The following CYFIP2 variants were observed in gnomAD, a reference collection of about 807,000 sequenced individuals.
CYFIP2 encodes the protein cytoplasmic FMR1-interacting protein 2.
Under a neutral mutation model 158.7 loss-of-function variants are expected in CYFIP2, and 29 were observed. That is an observed-to-expected ratio of 0.18 (90% CI 0.14 to 0.25). The LOEUF (loss-of-function observed/expected upper bound fraction) is 0.25, where lower values mean the gene tolerates loss of function less well. CYFIP2 is among the 10% of genes least tolerant of loss of function. CYFIP2 has a pLI of 1.00. For missense variants in CYFIP2, 852 were observed against 1,639.5 expected, an observed-to-expected ratio of 0.52 and a Z score of 8.29; for synonymous variants, 585 against 617.6, an observed-to-expected ratio of 0.95 and a Z score of 0.78.
chr5:157,318,334 G>A (rs1274532339), intron 13 of CYFIP2, among the ~76,000 whole-genome samples: 1 of 152,162 alleles, frequency 6.6e-6, no homozygotes, highest in African/African-American at 2.4e-5. Context: ...CAACAGGCCT[G>A]CCCACTCCTC....
intron 6 of CYFIP2, 94 bp downstream of exon 6, chr5:157,300,990 C>T (rs1462141008): frequency 8.6e-7 from 1 of 1,161,508 alleles, no homozygotes; most frequent in African/African-American, 1.6e-5. Flanking sequence ...CCCCTCTCAC[C>T]TGCTTTTTCT....
At position 157,300,879 on chromosome 5, in the gene CYFIP2, C is replaced by T; in HGVS notation, c.552C>T (p.Asp184=). ...ACATGAAGTGCAGCGTCAAGAATGACCACTCTGCCTACAAGAGGTCAGGGC... is the reference window on the plus strand; with the variant it reads ...ACATGAAGTGCAGCGTCAAGAATGATCACTCTGCCTACAAGAGGTCAGGGC... ...LKNMKCSVKN[D]HSAYKRAAQF... Residue 184 remains aspartate, a synonymous_variant, in exon 6 of 31, where the codon GAC becomes GAT. Coordinates refer to ENST00000620254, the MANE Select transcript of CYFIP2 (RefSeq NM_001037333.3). 1 of 1,594,314 alleles carries T rather than the reference C, an allele frequency of 6.3e-7. No homozygotes were observed. Among genetic ancestry groups the T allele is most frequent in the Non-Finnish European group, 8.6e-7 (1 of 1,167,918 alleles).
At position 157,309,901 on chromosome 5, in the gene CYFIP2, G is replaced by T; in HGVS notation, c.992+67G>T. 9.9e-6 allele frequency: 14 copies of T among 1,417,176 alleles called. No homozygotes were observed. In the South Asian group the frequency reaches 1.5e-4, roughly 15 times the overall value. The allele number at this position is 1,417,176 out of a possible 1,614,324, so 87.8% of individuals were successfully genotyped here. A position where few individuals can be genotyped will look rare whatever the true frequency, so the allele number is the denominator to read the frequency against. On this transcript the variant is annotated intron_variant, in intron 10 of 30. Coordinates refer to ENST00000620254, the MANE Select transcript of CYFIP2 (RefSeq NM_001037333.3). ...CCCAGCCCGGGCAGAGAGCCGAGGG[G>T]CCACTTCAGCCCCTCCTCCCTCCCC...
In CYFIP2 at chr5:157,373,184, A is replaced by G. The variant is rs77430143; in HGVS notation, c.3040-9406A>G. ...CCATGCCTATTCCACCAACTTATCT[A>G]TTATTACCACTCTCTGCCTGGCTGC... On this transcript the variant is annotated intron_variant, in intron 26 of 30. Coordinates refer to ENST00000620254, the MANE Select transcript of CYFIP2 (RefSeq NM_001037333.3). Among the ~76,000 whole-genome samples, 126 of 152,268 alleles carry G rather than the reference A, an allele frequency of 8.3e-4. 1 individual carries two copies. The highest frequency in any genetic ancestry group is 2.8e-3 in the African/African-American group (117 of 41,556).
At chr5:157,368,218 C>T (rs1327314908) in intron 26 of CYFIP2, among the ~76,000 whole-genome samples, 1 of 152,172 alleles carries the variant, frequency 6.6e-6, no homozygotes, top group Non-Finnish European at 1.5e-5. Flanking sequence ...GGAGAAGTGT[C>T]TCTCACTTTT....
Position 157,393,143 on chromosome 5 carries a change from C to T in CYFIP2, c.*143C>T. 1 of 861,818 alleles carries T rather than the reference C, an allele frequency of 1.2e-6. No homozygotes were observed. Among genetic ancestry groups the T allele is most frequent in the Non-Finnish European group, 1.7e-6 (1 of 575,338 alleles). 53.4% of individuals were successfully genotyped at this position (861,818 alleles called of 1,614,324 possible). On this transcript the variant is annotated 3_prime_UTR_variant, in exon 31 of 31. Coordinates refer to ENST00000620254, the MANE Select transcript of CYFIP2 (RefSeq NM_001037333.3). Reference sequence around the variant, plus strand: ...ACCTCCCCAAACACATCACCACTCCCTAGGGCGGGGCCTGTGCATGCTCTC... The same window carrying T: ...ACCTCCCCAAACACATCACCACTCCTTAGGGCGGGGCCTGTGCATGCTCTC...
Position 157,287,099 on chromosome 5 carries a change from C to T in CYFIP2, c.198C>T (p.His66=), listed in dbSNP as rs369941644. ...IARYIEQATV[H]SSMNEMLEEG... ...GGTACATTGAGCAGGCTACAGTCCA[C>T]TCCAGCATGGTAAGTCTCTGTGACC... is the stretch of plus-strand genomic sequence containing the variant. Residue 66 remains histidine (H), a synonymous_variant, in exon 3 of 31, where the codon CAC becomes CAT. Transcript: ENST00000620254. The T allele has an allele frequency of 6.2e-7, 1 of 1,613,196 alleles. No individual in the cohort carries two copies.
intron 1 of CYFIP2, among the ~76,000 whole-genome samples, chr5:157,276,672 G>A (rs769092626): frequency 1.2e-4 from 18 of 152,142 alleles, no homozygotes; most frequent in African/African-American, 4.3e-4. Flanking sequence ...GAAAGGTTAT[G>A]TCACCTACTC....
chr5:157,390,235 G>A (rs80072592), intron 29 of CYFIP2, among the ~76,000 whole-genome samples: 1 of 151,782 alleles, frequency 6.6e-6, no homozygotes, highest in East Asian at 1.9e-4. Context: ...AGCTGGGTGG[G>A]TTTTTCCTTG....
At chr5:157,279,470 G>A (rs965363562) in intron 1 of CYFIP2, among the ~76,000 whole-genome samples, 10 of 152,324 alleles carry the variant, frequency 6.6e-5, no homozygotes, top group African/African-American at 2.2e-4. Flanking sequence ...CATTTCCAAA[G>A]CCATGTTCTC....
intron 4 of CYFIP2, among the ~76,000 whole-genome samples, chr5:157,296,034 G>T (rs1758228825): frequency 6.6e-6 from 1 of 152,214 alleles, no homozygotes; most frequent in African/African-American, 2.4e-5. Flanking sequence ...CTAGAGTGCG[G>T]ACAGGGGAAA....
intron 1 of CYFIP2, among the ~76,000 whole-genome samples, chr5:157,277,329 CCTTATCTGTGTAGCCACCAAGTCCGGT>C (rs1445140368): frequency 1.2e-4 from 19 of 152,136 alleles, no homozygotes; most frequent in Admixed American, 6.5e-5. Context: ...CTGAGTCTGG[CCTTATCTGTGTAGCCACCAAGTCCGGT>C]CTTATCTGTG....
At chr5:157,342,738 G>C in intron 23 of CYFIP2, 1 of 978,312 alleles carries the variant, frequency 1.0e-6, no homozygotes, top group African/African-American at 1.6e-5. Context: ...TCCAACCCAG[G>C]TGACCTACAA....
chr5:157,325,629 C>G lies in CYFIP2; in HGVS notation c.1973C>G (p.Ser658Cys). 1 of 1,607,634 alleles carries G rather than the reference C, an allele frequency of 6.2e-7. No individual in the cohort carries two copies. Among genetic ancestry groups the G allele is most frequent in the Non-Finnish European group, 8.5e-7 (1 of 1,176,458 alleles). The part of the protein sequence containing the change: ...TDHILETKEP[S>C]MMEYVLYPLD... ...CATATCCTGGAAACCAAAGAACCTT[C>G]CATGATGGAGTAAGAGGCAGGATTG... Residue 658 changes from serine to cysteine, a missense_variant, in exon 17 of 31, where the codon TCC becomes TGC. Ser to Cys is a moderately radical substitution (Grantham distance 112). Coordinates refer to ENST00000620254, the MANE Select transcript of CYFIP2 (RefSeq NM_001037333.3).
Position 157,359,086 on chromosome 5 carries a change from C to A in CYFIP2, c.2755C>A (p.Leu919Ile). 1 of 1,613,998 alleles carries A rather than the reference C, an allele frequency of 6.2e-7. No individual in the cohort carries two copies. Among genetic ancestry groups the A allele is most frequent in the Non-Finnish European group, 8.5e-7 (1 of 1,179,886 alleles). Residue 919 changes from leucine to isoleucine, a missense_variant, in exon 24 of 31, where the codon CTC (leucine) becomes ATC (isoleucine). Coordinates refer to ENST00000620254, the MANE Select transcript of CYFIP2 (RefSeq NM_001037333.3). ...ACCTCATTTCAAGACTATCTGCAGA[C>A]TCCTGGGTTATCAGGGCATCGCTGT... ...GPPHFKTICR[L>I]LGYQGIAVVM... is the part of the protein sequence containing the mutation.
intron 23 of CYFIP2, among the ~76,000 whole-genome samples, chr5:157,343,782 G>T (rs927697507): frequency 3.5e-4 from 54 of 152,236 alleles, no homozygotes; most frequent in African/African-American, 1.2e-3. Flanking sequence ...ATGCACCCAT[G>T]CAATCCCAGC....
rs3052310 is a variant in CYFIP2 at position 157,393,207 on chromosome 5, GA to G, written c.*224del. ...ATGCTGGTTTCTCCATAGCATAAAT[GA>G]AAAAAAAAAAAAAAAAGTAAACAGG... On this transcript the variant is annotated 3_prime_UTR_variant, in exon 31 of 31. Transcript: ENST00000620254. 0.38 allele frequency: 104,892 copies of G among 279,008 alleles called. 10,758 individuals are homozygous for G. The highest frequency in any genetic ancestry group is 0.49 in the East Asian group (8,586 of 17,620). The allele number at this position is 279,008 out of a possible 1,614,324, so 17.3% of individuals were successfully genotyped here. A position where few individuals can be genotyped will look rare whatever the true frequency, so the allele number is the denominator to read the frequency against.
chr5:157,325,447 A>G, intron 16 of CYFIP2, 35 bp from the exon 17 acceptor site: 5 of 1,566,506 alleles, frequency 3.2e-6, no homozygotes, highest in Non-Finnish European at 4.3e-6. Context: ...TTTAGTTCTA[A>G]AAGTAACCAA....
chr5:157,379,612 T>C (rs1765837391), intron 26 of CYFIP2, among the ~76,000 whole-genome samples: 1 of 128,276 alleles, frequency 7.8e-6, no homozygotes, highest in Admixed American at 1.0e-4. Context: ...TCAAGACTAG[T>C]GAGCCATGAT....
Sources: allele counts gnomAD v4.1 joint callset (sites outside exome capture counted in the v4.1 genomes callset), GRCh38; gene constraint gnomAD v4.1.1; transcripts MANE v1.5; gene names NCBI Gene and HGNC (gene_info 2026-07-23, HGNC 2026-07-21).